Variants in DPYD observed in about 807,000 individuals in gnomAD.
DPYD encodes the protein dihydropyrimidine dehydrogenase, also known as dihydropyrimidine dehydrogenase [NADP(+)].
Under a neutral mutation model 116.2 loss-of-function variants are expected in DPYD, and 109 were observed. That is an observed-to-expected ratio of 0.94 (90% CI 0.80 to 1.10). DPYD has a LOEUF of 1.10. DPYD is among the 50% of genes least tolerant of loss of function. The pLI, the probability that DPYD is intolerant of heterozygous loss-of-function variation, is 0.00. For synonymous variants in DPYD, 440 were observed against 432.0 expected (o/e 1.02, Z -0.23); for missense variants, 1,302 against 1,254.5 (o/e 1.04, Z -0.57).
At chr1:97,521,044 T>A (rs969439564) in intron 12 of DPYD, among the ~76,000 whole-genome samples, 1 of 152,170 alleles carries the variant, frequency 6.6e-6, no homozygotes, top group East Asian at 1.9e-4. Flanking sequence ...CCTTGAGGAA[T>A]CACCACACTG....
chr1:97,858,719 C>A (rs1010987558), intron 2 of DPYD, among the ~76,000 whole-genome samples: 2 of 152,024 alleles, frequency 1.3e-5, no homozygotes, highest in Non-Finnish European at 2.9e-5. Context: ...CGTAAACATA[C>A]AAGCCTTTGG....
intron 16 of DPYD, among the ~76,000 whole-genome samples, chr1:97,365,387 A>G (rs949862437): frequency 6.6e-6 from 1 of 152,184 alleles, no homozygotes; most frequent in Non-Finnish European, 1.5e-5. Flanking sequence ...TGAACTCTTC[A>G]TGAAATCATG....
chr1:97,610,460 A>G (rs1655870989), intron 8 of DPYD, among the ~76,000 whole-genome samples: 1 of 152,018 alleles, frequency 6.6e-6, no homozygotes, highest in East Asian at 1.9e-4. Flanking sequence ...GAGATTATAG[A>G]TTTGCATGTT....
chr1:97,120,847 T>C (rs1652371584), intron 20 of DPYD, among the ~76,000 whole-genome samples: 1 of 152,196 alleles, frequency 6.6e-6, no homozygotes, highest in Non-Finnish European at 1.5e-5. Flanking sequence ...CAGTGTTAGT[T>C]AGCTTTGCTA....
At chr1:97,479,414 C>T (rs910931613) in intron 13 of DPYD, among the ~76,000 whole-genome samples, 2 of 152,040 alleles carry the variant, frequency 1.3e-5, no homozygotes, top group Admixed American at 1.3e-4. Context: ...AGAGGAACAG[C>T]CGGTTGGTAG....
intron 20 of DPYD, among the ~76,000 whole-genome samples, chr1:97,188,251 T>C (rs1658131714): frequency 6.6e-6 from 1 of 152,198 alleles, no homozygotes; most frequent in Non-Finnish European, 1.5e-5. Flanking sequence ...TATGTTCATT[T>C]ATTAATATCA....
At chr1:97,899,878 A>G (rs141188896) in intron 1 of DPYD, among the ~76,000 whole-genome samples, 41 of 152,060 alleles carry the variant, frequency 2.7e-4, no homozygotes, top group African/African-American at 9.4e-4. Context: ...CTACACATCT[A>G]TCAATTATAC....
At chr1:97,538,223 A>T (rs1355825720) in intron 12 of DPYD, among the ~76,000 whole-genome samples, 1 of 152,202 alleles carries the variant, frequency 6.6e-6, no homozygotes, top group Non-Finnish European at 1.5e-5. Context: ...CAGAAAGAAG[A>T]TGGAATATCT....
chr1:97,526,858 A>G (rs1649138168), intron 12 of DPYD, among the ~76,000 whole-genome samples: 3 of 152,230 alleles, frequency 2.0e-5, no homozygotes, highest in Admixed American at 2.0e-4. Context: ...TCTTAAAATC[A>G]ACAAGACAGT....
At position 97,252,335 on chromosome 1, in the gene DPYD, G is replaced by C. The variant is rs529098163; in HGVS notation, c.2300-17341C>G. Among the ~76,000 whole-genome samples, 11 of 152,312 alleles carry C rather than the reference G, an allele frequency of 7.2e-5. No individual in the cohort carries two copies. The East Asian group carries it at 2.1e-3, about 29-fold the overall frequency. ...CTTCCATTTGCAAGAAGAGGAGACA[G>C]CCTATTGTCAGGACCAACTTGGTGG... On this transcript the variant is annotated intron_variant, in intron 18 of 22. Transcript: ENST00000370192.
intron 2 of DPYD, among the ~76,000 whole-genome samples, chr1:97,874,132 A>G (rs1301795393): frequency 6.6e-6 from 1 of 151,902 alleles, no homozygotes; most frequent in Non-Finnish European, 1.5e-5. Context: ...TATCACCGGT[A>G]TTATTTGAGA....
intron 2 of DPYD, among the ~76,000 whole-genome samples, chr1:97,829,321 A>G (rs535652094): frequency 6.6e-6 from 1 of 152,120 alleles, no homozygotes; most frequent in East Asian, 1.9e-4. Flanking sequence ...TAACCTTGAT[A>G]TTTTTTAAAA....
chr1:97,548,371 T>C lies in DPYD; in HGVS notation c.1524+1189A>G, dbSNP rs76417128. 2.9e-3 allele frequency among the ~76,000 whole-genome samples: 437 copies of C among 152,322 alleles called. 1 individual carries two copies. The highest frequency in any genetic ancestry group is 9.9e-3 in the African/African-American group (413 of 41,574). ...CAAGACCACAGTCGTTGTGGCAAAG[T>C]ATGCTCAGCTTCACATCTCATCATT... is the stretch of plus-strand genomic sequence containing the variant. On this transcript the variant is annotated intron_variant, in intron 12 of 22. Coordinates refer to ENST00000370192, the MANE Select transcript of DPYD (RefSeq NM_000110.4).
At chr1:97,756,980 C>T (rs1335120249) in intron 3 of DPYD, among the ~76,000 whole-genome samples, 1 of 152,104 alleles carries the variant, frequency 6.6e-6, no homozygotes, top group Non-Finnish European at 1.5e-5. Context: ...CTCAACTACC[C>T]CCCACTCCTC....
chr1:97,202,136 A>G (rs558344036), intron 19 of DPYD, among the ~76,000 whole-genome samples: 21 of 152,286 alleles, frequency 1.4e-4, no homozygotes, highest in African/African-American at 4.8e-4. Flanking sequence ...ACAAACGAAT[A>G]GCCCCGGAGA....
intron 19 of DPYD, among the ~76,000 whole-genome samples, chr1:97,229,546 GTATATATA>G (rs55638142): frequency 0.059 from 3,411 of 57,800 alleles, 153 homozygotes; most frequent in East Asian, 0.19. Context: ...ACCATCCTAA[GTATATATA>G]TATATATATA....
chr1:97,652,245 CT>C (rs1658629190), intron 8 of DPYD, among the ~76,000 whole-genome samples: 1 of 152,094 alleles, frequency 6.6e-6, no homozygotes, highest in Non-Finnish European at 1.5e-5. Flanking sequence ...TTCATTTTCT[CT>C]TAAAAAATTC....
chr1:97,199,809 A>G (rs1049310195), intron 19 of DPYD, among the ~76,000 whole-genome samples: 6 of 152,150 alleles, frequency 3.9e-5, no homozygotes, highest in African/African-American at 1.4e-4. Context: ...ATTAAATTAT[A>G]CCATGAAGGT....
At chr1:97,263,167 CAGATT>C (rs1327700657) in intron 18 of DPYD, among the ~76,000 whole-genome samples, 2 of 152,086 alleles carry the variant, frequency 1.3e-5, no homozygotes, top group Non-Finnish European at 2.9e-5. Context: ...TCCTAATACT[CAGATT>C]AAACTGCTGA....
Sources: allele counts gnomAD v4.1 joint callset (sites outside exome capture counted in the v4.1 genomes callset), GRCh38; gene constraint gnomAD v4.1.1; transcripts MANE v1.5; gene names NCBI Gene and HGNC (gene_info 2026-07-23, HGNC 2026-07-21).